Variants in LSP1 observed in about 807,000 individuals in gnomAD.
LSP1 encodes lymphocyte specific protein 1.
Under a neutral mutation model 49.3 loss-of-function variants are expected in LSP1, and 32 were observed. The observed-to-expected ratio is 0.65, with a 90% CI of 0.49 to 0.87. The LOEUF (loss-of-function observed/expected upper bound fraction) is 0.87. LSP1 is among the 40% of genes least tolerant of loss of function. The pLI, the probability that LSP1 is intolerant of heterozygous loss-of-function variation, is 0.00. For missense variants in LSP1, 428 were observed against 442.6 expected (o/e 0.97, Z 0.30); for synonymous variants, 179 against 178.8 (o/e 1.00, Z -0.01).
chr11:1,885,140 A>G (rs1293460756), intron 7 of LSP1, among the ~76,000 whole-genome samples: 2 of 151,200 alleles, frequency 1.3e-5, no homozygotes, highest in Non-Finnish European at 2.9e-5. Flanking sequence ...ATGTCCCTCC[A>G]TCCAATCAAT....
intron 3 of LSP1, among the ~76,000 whole-genome samples, chr11:1,881,871 A>G (rs1161258307): frequency 6.6e-6 from 1 of 152,096 alleles, no homozygotes; most frequent in Non-Finnish European, 1.5e-5. Context: ...GTGGCCGGCG[A>G]GGGGCCGCGA....
In LSP1 at chr11:1,884,543, A is replaced by G. The variant is rs375066461; in HGVS notation, c.679A>G (p.Ile227Val). The G allele has an allele frequency of 2.5e-6, 4 of 1,613,902 alleles. No homozygotes were observed. The highest frequency in any genetic ancestry group is 3.4e-6 in the Non-Finnish European group (4 of 1,179,930). ...KSQPDLPISK[I>V]DQWLEQYTQA... ...CCAGCCAGACTTGCCCATCTCCAAG[A>G]TTGATCAGTGGCTGGAACAATACAC... The change falls in exon 7 of 11, where the codon ATT (isoleucine) becomes GTT (valine). Residue 227 changes from isoleucine to valine, a missense_variant. Physicochemically the swap from Ile to Val is conservative, Grantham distance 29. Coordinates refer to ENST00000311604, the MANE Select transcript of LSP1 (RefSeq NM_002339.3). This position sits in a 1 kb window ranked among gnomAD's most constrained non-coding sequence, Gnocchi z 4.1.
At chr11:1,889,585 G>T in intron 10 of LSP1, 1 of 612,734 alleles carries the variant, frequency 1.6e-6, no homozygotes. Flanking sequence ...CGGGGCTTGG[G>T]TGCAACTTTG....
In LSP1 at chr11:1,884,705, G is replaced by T. The variant is rs193205804; in HGVS notation, c.717+124G>T. ...TCAACCAACACCCTATCCAACCAAT[G>T]CTTCTCCATCCAGTCAGTGCCCCTC... On this transcript the variant is annotated intron_variant, in intron 7 of 10. Transcript: ENST00000311604. The surrounding 1 kb of genome is among the most constrained non-coding windows in gnomAD (Gnocchi z 4.1). The T allele has an allele frequency of 6.1e-5, 46 of 751,174 alleles. No homozygotes were observed. The highest frequency in any genetic ancestry group is 1.0e-4 in the Non-Finnish European group (45 of 443,836). The allele number at this position is 751,174 out of a possible 1,614,324, so 46.5% of individuals were successfully genotyped here.
chr11:1,862,623 A>G (rs946117524), intron 1 of LSP1, among the ~76,000 whole-genome samples: 1 of 151,878 alleles, frequency 6.6e-6, no homozygotes, highest in Non-Finnish European at 1.5e-5. Context: ...GTCCTCCCTG[A>G]GTGATCTCAG....
chr11:1,870,344 T>C, intron 1 of LSP1: 1 of 1,279,620 alleles, frequency 7.8e-7, no homozygotes, highest in Non-Finnish European at 1.0e-6. Context: ...CCCGGGGACA[T>C]ACACCGGGGA....
In LSP1 at chr11:1,878,429, C is replaced by G. The variant is rs7112545; in HGVS notation, c.54-1658C>G. Among the ~76,000 whole-genome samples the G allele has an allele frequency of 9.7e-3, 1,461 of 151,388 alleles. 26 individuals carry two copies. Among genetic ancestry groups the G allele is most frequent in the African/African-American group, 0.032 (1,314 of 41,336 alleles). On this transcript the variant is annotated intron_variant, in intron 1 of 10. Coordinates refer to ENST00000311604, the MANE Select transcript of LSP1 (RefSeq NM_002339.3). ...GGAATTAAGTGGCTTCCTCGGGGGC[C>G]GGGAGTTGAAGGCACTTCTGAGGAG...
chr11:1,886,791 T>A lies in LSP1; in HGVS notation c.777T>A (p.Ala259=), dbSNP rs754533383. 1 of 1,611,918 alleles carries A rather than the reference T, an allele frequency of 6.2e-7. No homozygotes were observed. Among genetic ancestry groups the A allele is most frequent in the South Asian group, 1.1e-5 (1 of 90,988 alleles). ...CCTCCATAGAGCTGCCCAGCATGGC[T>A]GTGGCCAGTACCAAGAGTCGGTGGG... The part of the protein sequence containing the change: ...RQASIELPSM[A]VASTKSRWET... The change falls in exon 8 of 11, where the codon GCT becomes GCA. Residue 259 remains alanine (A), a synonymous_variant. Coordinates refer to ENST00000311604, the MANE Select transcript of LSP1 (RefSeq NM_002339.3).
intron 1 of LSP1, among the ~76,000 whole-genome samples, chr11:1,878,493 G>T (rs1018713328): frequency 6.6e-6 from 1 of 151,864 alleles, no homozygotes; most frequent in African/African-American, 2.4e-5. Flanking sequence ...GGGGGGCGGG[G>T]TGCACAGGCG....
chr11:1,870,271 G>A (rs1847942931), intron 1 of LSP1: 1 of 1,303,040 alleles, frequency 7.7e-7, no homozygotes, highest in Non-Finnish European at 1.0e-6. Flanking sequence ...CAGGAAAGCT[G>A]AGGCTCAGGG....
Position 1,884,563 on chromosome 11 carries a change from A to G in LSP1, c.699A>G (p.Gln233=). Residue 233 remains glutamine, a synonymous_variant, in exon 7 of 11, where the codon CAA becomes CAG. Coordinates refer to ENST00000311604, the MANE Select transcript of LSP1 (RefSeq NM_002339.3). This position sits in a 1 kb window ranked among gnomAD's most constrained non-coding sequence, Gnocchi z 4.1. ...PISKIDQWLE[Q]YTQAIETAGR... is the part of the protein sequence containing the mutation. ...CCAAGATTGATCAGTGGCTGGAACA[A>G]TACACCCAGGCCATCGAGGTATGAC... 6.2e-7 allele frequency: 1 copy of G among 1,613,822 alleles called. No homozygotes were observed. Among genetic ancestry groups the G allele is most frequent in the Middle Eastern group, 1.7e-4 (1 of 6,058 alleles).
At chr11:1,854,375 T>C (rs1210931415) in intron 1 of LSP1, among the ~76,000 whole-genome samples, 1 of 151,672 alleles carries the variant, frequency 6.6e-6, no homozygotes, top group Non-Finnish European at 1.5e-5. Context: ...CAGCAGAGGG[T>C]CCCGGTCTAC....
At chr11:1,876,661 T>G in intron 1 of LSP1, 1 of 983,538 alleles carries the variant, frequency 1.0e-6, no homozygotes, top group African/African-American at 1.8e-5. Context: ...TAGCTGGGAG[T>G]GCTGGGCCGA....
chr11:1,858,254 G>A (rs370041123), intron 1 of LSP1, among the ~76,000 whole-genome samples: 110 of 152,232 alleles, frequency 7.2e-4, no homozygotes, highest in Non-Finnish European at 1.2e-3. Context: ...CAAGACCTGC[G>A]GGCACCAGGA....
chr11:1,870,244 A>G, intron 1 of LSP1: 1 of 1,298,222 alleles, frequency 7.7e-7, no homozygotes, highest in Non-Finnish European at 1.0e-6. Context: ...CTGGTCCTTC[A>G]TACCCCATTT....
chr11:1,855,895 G>A (rs1847476922), intron 1 of LSP1, among the ~76,000 whole-genome samples: 1 of 152,216 alleles, frequency 6.6e-6, no homozygotes, highest in South Asian at 2.1e-4. Context: ...TGGAGGCCTT[G>A]AGGCGATGAG....
At position 1,864,524 on chromosome 11, in the gene LSP1, C is replaced by T. The variant is rs764907115; in HGVS notation, c.53+11327C>T. 2.5e-4 allele frequency among the ~76,000 whole-genome samples: 38 copies of T among 152,042 alleles called. 1 individual carries two copies. The highest frequency in any genetic ancestry group is 4.9e-4 in the Non-Finnish European group (33 of 67,966). ...GAGGCAGCCACGCTGCCCATCAGCG[C>T]GCCACAGAGGTCTGGCTGAGCCCCA... On this transcript the variant is annotated intron_variant, in intron 1 of 10. Transcript: ENST00000311604.
At position 1,884,301 on chromosome 11, in the gene LSP1, C is replaced by A; in HGVS notation, c.613C>A (p.Leu205Ile). 1 of 1,614,130 alleles carries A rather than the reference C, an allele frequency of 6.2e-7. No homozygotes were observed. The highest frequency in any genetic ancestry group is 2.2e-5 in the East Asian group (1 of 44,872). ...TTKLIDRTES[L>I]NRSIEKSNSV... ...GCAGCTCATCGACAGGACCGAGTCC[C>A]TAAACCGCTCCATAGAGAAGAGGTC... The change falls in exon 6 of 11, where the codon CTA (leucine) becomes ATA (isoleucine). Residue 205 changes from leucine to isoleucine, a missense_variant. Coordinates refer to ENST00000311604, the MANE Select transcript of LSP1 (RefSeq NM_002339.3). This position sits in a 1 kb window ranked among gnomAD's most constrained non-coding sequence, Gnocchi z 4.1.
chr11:1,870,465 G>T, intron 1 of LSP1: 3 of 1,196,828 alleles, frequency 2.5e-6, no homozygotes, highest in African/African-American at 3.2e-5. Flanking sequence ...AGCCATGAAA[G>T]CTTCGGGGAG....
Sources: gnomAD v4.1 joint callset for allele counts (sites outside exome capture counted in the v4.1 genomes callset) on GRCh38, gnomAD v4.1.1 for gene constraint, Gnocchi (gnomAD v3.1) non-coding constraint, MANE v1.5 for transcripts, NCBI Gene and HGNC (gene_info 2026-07-23, HGNC 2026-07-21) for gene names.